The following TRIM49 variants were observed in gnomAD, a reference collection of about 807,000 sequenced individuals.
The protein encoded by TRIM49 is tripartite motif containing 49, also known as tripartite motif-containing protein 49.
Under a neutral mutation model 27.4 loss-of-function variants are expected in TRIM49, and 5 were observed. That is an observed-to-expected ratio of 0.18 (90% CI 0.10 to 0.38). The LOEUF is 0.38. Among genes scored for constraint, TRIM49 ranks in the 10% least tolerant of loss-of-function variants. The pLI, the probability that TRIM49 is intolerant of heterozygous loss-of-function variation, is 1.00. For synonymous variants in TRIM49, 69 were observed against 166.0 expected, an observed-to-expected ratio of 0.42 and a Z score of 4.49; for missense variants, 188 against 487.5, an observed-to-expected ratio of 0.39 and a Z score of 5.79.
At chr11:89,791,528 G>T in the TRIM49 span, among the ~76,000 whole-genome samples, 2 of 151,116 alleles carry the variant, frequency 1.3e-5, no homozygotes, top group African/African-American at 4.9e-5. Context: ...AAGCCCATCA[G>T]ACTAACAGCA....
At chr11:89,777,720 G>C in the TRIM49 span, among the ~76,000 whole-genome samples, 1 of 150,094 alleles carries the variant, frequency 6.7e-6, no homozygotes, top group South Asian at 2.1e-4. Flanking sequence ...TTATCTGAAG[G>C]GTCCCTTAAA....
chr11:89,777,330 A>G, the TRIM49 span: 2 of 1,536,554 alleles, frequency 1.3e-6, no homozygotes. Context: ...GCTCTGAGTC[A>G]CCAGAGCACA....
chr11:89,786,173 C>G, the TRIM49 span: 1 of 104,338 alleles, frequency 9.6e-6, no homozygotes, highest in Non-Finnish European at 1.9e-5. Flanking sequence ...GAGAGCGTAC[C>G]GGAGGAGGGC....
At chr11:89,800,576 T>C (rs1171555746) in intron 6 of TRIM49, among the ~76,000 whole-genome samples, 4 of 150,584 alleles carry the variant, frequency 2.7e-5, no homozygotes, top group African/African-American at 9.9e-5. Context: ...ACCCAGTCTC[T>C]ACTAAAAATA....
downstream of TRIM49, among the ~76,000 whole-genome samples, chr11:89,794,247 C>G (rs916474934): frequency 4.0e-5 from 5 of 124,592 alleles, no homozygotes; most frequent in African/African-American, 1.5e-4. Flanking sequence ...AGGATACAAA[C>G]AAATGGAAGA....
Position 89,803,829 on chromosome 11 carries a change from A to G in TRIM49, c.412-36T>C, listed in dbSNP as rs756385992. The stretch of plus-strand genomic sequence containing the variant: ...GCCATAAATTGAAGCACCAGTGCAG[A>G]CCATGACATAGGGAGGGGGCCCAGA... On this transcript the variant is annotated intron_variant, in intron 3 of 7. Transcript: ENST00000329758. 7 of 998,278 alleles carry G rather than the reference A, an allele frequency of 7.0e-6. No homozygotes were observed. In the East Asian group the frequency reaches 1.8e-4, roughly 26 times the overall value. 61.8% of individuals were successfully genotyped at this position (998,278 alleles called of 1,614,324 possible).
chr11:89,791,317 C>A, the TRIM49 span, among the ~76,000 whole-genome samples: 5 of 152,184 alleles, frequency 3.3e-5, no homozygotes, highest in African/African-American at 1.2e-4. Context: ...GGAAAACACT[C>A]TGCAGGATAT....
At chr11:89,770,051 C>T in the TRIM49 span, among the ~76,000 whole-genome samples, 1 of 128,874 alleles carries the variant, frequency 7.8e-6, no homozygotes, top group Admixed American at 7.4e-5. Context: ...AGGAGGATGC[C>T]GTCGAGGTCA....
the TRIM49 span, among the ~76,000 whole-genome samples, chr11:89,770,718 T>A: frequency 7.1e-6 from 1 of 140,482 alleles, no homozygotes; most frequent in Non-Finnish European, 1.5e-5. Flanking sequence ...AAAAAAAAAT[T>A]AGCTGGGCGT....
chr11:89,787,845 C>A, the TRIM49 span: 1 of 450,294 alleles, frequency 2.2e-6, no homozygotes, highest in Non-Finnish European at 4.0e-6. Context: ...ACGTGAGAGT[C>A]CGCGGGTGCT....
chr11:89,792,620 T>C, the TRIM49 span, among the ~76,000 whole-genome samples: 2 of 152,056 alleles, frequency 1.3e-5, no homozygotes, highest in Admixed American at 6.5e-5. Flanking sequence ...ACATGGAAAC[T>C]GAACAACCTG....
the TRIM49 span, among the ~76,000 whole-genome samples, chr11:89,791,293 T>A: frequency 6.6e-6 from 1 of 151,994 alleles, no homozygotes; most frequent in Admixed American, 6.6e-5. Flanking sequence ...TGATGGGGAG[T>A]ATGGATACGA....
chr11:89,806,217 G>A (rs1949788695), intron 2 of TRIM49, among the ~76,000 whole-genome samples: 2 of 150,890 alleles, frequency 1.3e-5, no homozygotes, highest in Admixed American at 6.6e-5. Flanking sequence ...ATTGAATACA[G>A]AAAAGGTACA....
In TRIM49 at chr11:89,799,788, G is replaced by C; in HGVS notation, c.787C>G (p.Pro263Ala). Reference protein sequence around the residue: ...HRSESVLLHMPQPLNPELSAG... With the variant: ...HRSESVLLHMAQPLNPELSAG... ...CTGAGCTCTGGATTCAGAGGCTGGG[G>C]CATGTGCAGCAGCACGGACTCACTC... Residue 263 changes from proline (P) to alanine (A), a missense_variant, in exon 7 of 8, where the codon CCC (proline) becomes GCC (alanine). Around this residue, in one of 6 missense-constraint regions of TRIM49, gnomAD observed 14 missense variants for 118.8 expected, o/e 0.12. Coordinates refer to ENST00000329758, the MANE Select transcript of TRIM49 (RefSeq NM_020358.2). The C allele has an allele frequency of 6.9e-7, 1 of 1,450,904 alleles. No homozygotes were observed. Among genetic ancestry groups the C allele is most frequent in the South Asian group, 1.2e-5 (1 of 81,280 alleles). The allele number at this position is 1,450,904 out of a possible 1,614,324, so 89.9% of individuals were successfully genotyped here.
chr11:89,768,231 C>A, the TRIM49 span: 2 of 1,480,796 alleles, frequency 1.4e-6, no homozygotes. Flanking sequence ...GTGATGGGCC[C>A]TGTAGGGAAC....
At chr11:89,804,669 C>T (rs138134099) in intron 2 of TRIM49, among the ~76,000 whole-genome samples, 196 bp from the exon 3 acceptor site, 7,776 of 133,344 alleles carry the variant, frequency 0.058, 40 homozygotes, top group African/African-American at 0.13. Context: ...TATTACTAAC[C>T]AGAGGACTCA....
chr11:89,793,122 T>C (rs1211055753), downstream of TRIM49, among the ~76,000 whole-genome samples: 11 of 152,070 alleles, frequency 7.2e-5, no homozygotes, highest in Admixed American at 5.3e-4. Flanking sequence ...AACACCTCTA[T>C]GCAAATAAAC....
the TRIM49 span, among the ~76,000 whole-genome samples, chr11:89,774,552 T>C: frequency 1.4e-5 from 2 of 142,070 alleles, no homozygotes; most frequent in Non-Finnish European, 3.0e-5. Flanking sequence ...CCACTGGATT[T>C]GTGACTGCTG....
At chr11:89,772,464 C>A in the TRIM49 span, among the ~76,000 whole-genome samples, 1 of 128,484 alleles carries the variant, frequency 7.8e-6, no homozygotes, top group Admixed American at 7.2e-5. Flanking sequence ...TCTTTGTGAA[C>A]ATTCAAAGAC....
Sources: gnomAD v4.1 joint callset for allele counts (sites outside exome capture counted in the v4.1 genomes callset) on GRCh38, gnomAD v4.1.1 for gene constraint, gnomAD v4.1.1 regional missense constraint, MANE v1.5 for transcripts, NCBI Gene and HGNC (gene_info 2026-07-23, HGNC 2026-07-21) for gene names.